The following C11orf16 variants were observed in gnomAD, a reference collection of about 807,000 sequenced individuals.
C11orf16 encodes chromosome 11 open reading frame 16.
C11orf16 carries 38 observed loss-of-function variants against 45.1 expected under a neutral mutation model. That is an observed-to-expected ratio of 0.84 (90% CI 0.65 to 1.10). The LOEUF is 1.10. Ranked by LOEUF, C11orf16 falls within the 50% of genes least tolerant of loss-of-function variation. C11orf16 has a pLI of 0.00. For missense variants in C11orf16, 583 were observed against 569.5 expected (o/e 1.02, Z -0.24); for synonymous variants, 221 against 222.0 (o/e 1.00, Z 0.04).
intron 5 of C11orf16, 67 bp downstream of exon 5, chr11:8,925,394 CAT>C: frequency 2.9e-6 from 4 of 1,391,474 alleles, no homozygotes; most frequent in Non-Finnish European, 3.9e-6. Flanking sequence ...TCCTAAGGGA[CAT>C]GTGGGAGGGA....
In C11orf16 at chr11:8,925,452, C is replaced by T; in HGVS notation, c.1204+11G>A. The T allele has an allele frequency of 1.2e-6, 2 of 1,607,066 alleles. No homozygotes were observed. Among genetic ancestry groups the T allele is most frequent in the Non-Finnish European group, 1.7e-6 (2 of 1,175,820 alleles). ...CCTGCCTTAGAAAGCAAGCCCACTCCCCTGGTATACCTGGCTTCCCAAGGC... is the reference window on the plus strand; with the variant it reads ...CCTGCCTTAGAAAGCAAGCCCACTCTCCTGGTATACCTGGCTTCCCAAGGC... On this transcript the variant is annotated intron_variant, in intron 5 of 6. Transcript: ENST00000326053.
rs2064605042 is a variant in C11orf16 at position 8,925,654 on chromosome 11, G to A, written c.1013C>T (p.Ser338Leu). The A allele has an allele frequency of 6.2e-7, 1 of 1,614,254 alleles. No individual in the cohort carries two copies. The highest frequency in any genetic ancestry group is 1.3e-5 in the African/African-American group (1 of 75,064). The change falls in exon 5 of 7, where the codon TCA becomes TTA. Residue 338 changes from serine (S) to leucine (L), a missense_variant. Coordinates refer to ENST00000326053, the MANE Select transcript of C11orf16 (RefSeq NM_020643.3). ...MHAPLAVSSSSSSSCEQDGVE... is the reference protein window; with the variant it reads ...MHAPLAVSSSLSSSCEQDGVE... ...ACCGTCTTGTTCACAGGAGGAGGAT[G>A]AGGAGGAAGAAACAGCCAGGGGAGC...
intron 5 of C11orf16, 34 bp downstream of exon 5, chr11:8,925,429 T>A: frequency 6.3e-7 from 1 of 1,585,346 alleles, no homozygotes; most frequent in Non-Finnish European, 8.6e-7. Flanking sequence ...CCCCAGCCCC[T>A]GCCTTAGAAA....
Position 8,926,051 on chromosome 11 carries a change from G to A in C11orf16, c.616C>T (p.Pro206Ser), listed in dbSNP as rs1722341373. ...GACACCGACTGGACCCCACCTAGGG[G>A]CACTTTAGCAGCTTTGCCATTCCAG... is the stretch of plus-strand genomic sequence containing the variant. ...HFWNGKAAKV[P>S]LGGVQSVSLT... is the part of the protein sequence containing the mutation. Residue 206 changes from proline (P) to serine (S), a missense_variant, in exon 5 of 7, where the codon CCC becomes TCC. Coordinates refer to ENST00000326053, the MANE Select transcript of C11orf16 (RefSeq NM_020643.3). 2 of 1,613,852 alleles carry A rather than the reference G, an allele frequency of 1.2e-6. No homozygotes were observed. Among genetic ancestry groups the A allele is most frequent in the African/African-American group, 2.7e-5 (2 of 75,034 alleles).
In C11orf16 at chr11:8,922,134, T is replaced by C. The variant is rs145645831; in HGVS notation, c.1205-619A>G. 1.8e-4 allele frequency among the ~76,000 whole-genome samples: 27 copies of C among 152,322 alleles called. 1 individual carries two copies. The highest frequency in any genetic ancestry group is 9.1e-4 in the Admixed American group (14 of 15,306). On this transcript the variant is annotated intron_variant, in intron 5 of 6. Transcript: ENST00000326053. ...AGCAAAGGTAACTGACTGCCACCAG[T>C]TAAAGGAGCTTCGACACCTTCACTG... is the stretch of plus-strand genomic sequence containing the variant.
rs1379545110 is a variant in C11orf16 at position 8,925,717 on chromosome 11, G to A, written c.950C>T (p.Pro317Leu). 4.3e-6 allele frequency: 7 copies of A among 1,614,126 alleles called. No individual in the cohort carries two copies. The East Asian group carries it at 1.1e-4, about 26-fold the overall frequency. The change falls in exon 5 of 7, where the codon CCC becomes CTC. Residue 317 changes from proline to leucine, a missense_variant. Transcript: ENST00000326053. ...TTTCTCCTCTTTAGGACCTTCCAGG[G>A]GCAAAAGCTGTGCTGTGGGCTCCAA... ...PELEPTAQLL[P>L]LEGPKEEKVA... is the part of the protein sequence containing the mutation.
intron 3 of C11orf16, among the ~76,000 whole-genome samples, chr11:8,928,261 A>G (rs1280180159): frequency 6.6e-6 from 1 of 152,162 alleles, no homozygotes; most frequent in East Asian, 1.9e-4. Context: ...AAGAATTTAC[A>G]CTAGTCTTCC....
At chr11:8,930,936 C>T (rs1233484224) in intron 2 of C11orf16, among the ~76,000 whole-genome samples, 2 of 152,172 alleles carry the variant, frequency 1.3e-5, no homozygotes, top group East Asian at 1.9e-4. Context: ...GGGTGGATCA[C>T]GAAAGGGAGC....
chr11:8,921,547 T>C, intron 5 of C11orf16, 32 bp from the exon 6 acceptor site: 2 of 1,585,692 alleles, frequency 1.3e-6, no homozygotes, highest in Non-Finnish European at 1.7e-6. Context: ...TTAGGTTGAA[T>C]ATGCCACCAT....
At chr11:8,932,543 G>T (rs910424569) in intron 1 of C11orf16, among the ~76,000 whole-genome samples, 3 of 152,182 alleles carry the variant, frequency 2.0e-5, no homozygotes, top group Non-Finnish European at 4.4e-5. Flanking sequence ...AAGAGCAAGT[G>T]CTGTGAGTTT....
chr11:8,929,495 G>A lies in C11orf16; in HGVS notation c.206C>T (p.Pro69Leu). 6.2e-7 allele frequency: 1 copy of A among 1,614,052 alleles called. No individual in the cohort carries two copies. The highest frequency in any genetic ancestry group is 1.3e-5 in the African/African-American group (1 of 75,052). ...SSCPCLHVAD[P>L]AWQGPGWLGR... ...CAGCCAGCCAGGCCCCTGCCATGCT[G>A]GGTCGGCAACGTGGAGACATGGGCA... Residue 69 changes from proline (P) to leucine (L), a missense_variant, in exon 3 of 7, where the codon CCA (proline) becomes CTA (leucine). By Grantham distance (98) the Pro-to-Leu change is moderately conservative (BLOSUM62 -3). Coordinates refer to ENST00000326053, the MANE Select transcript of C11orf16 (RefSeq NM_020643.3).
chr11:8,920,325 G>A lies in C11orf16; in HGVS notation c.*148C>T. 1.9e-6 allele frequency: 1 copy of A among 536,364 alleles called. No homozygotes were observed. Among genetic ancestry groups the A allele is most frequent in the Non-Finnish European group, 3.3e-6 (1 of 303,760 alleles). The allele number at this position is 536,364 out of a possible 1,614,324, so 33.2% of individuals were successfully genotyped here. A position where few individuals can be genotyped will look rare whatever the true frequency, so the allele number is the denominator to read the frequency against. On this transcript the variant is annotated 3_prime_UTR_variant, in exon 7 of 7. Coordinates refer to ENST00000326053, the MANE Select transcript of C11orf16 (RefSeq NM_020643.3). ...GCTTATCTGCAGGGAGGTCTTCGTG[G>A]GGTGGAGATACTGGTGGTTATTTGA... is the stretch of plus-strand genomic sequence containing the variant.
At chr11:8,924,135 G>T (rs79718754) in intron 5 of C11orf16, among the ~76,000 whole-genome samples, 4,741 of 152,178 alleles carry the variant, frequency 0.031, 255 homozygotes, top group African/African-American at 0.11. Context: ...AAGCCCAGGG[G>T]TTCAGAGGAG....
At chr11:8,926,185 CTT>C (rs59858402) in intron 4 of C11orf16, 78 bp from the exon 5 acceptor site, 44,890 of 858,658 alleles carry the variant, frequency 0.052, 20 homozygotes, top group African/African-American at 0.1. Flanking sequence ...TTTTTCTTTT[CTT>C]TTTTTTTTTT....
In C11orf16 at chr11:8,926,031, C is replaced by T. The variant is rs769456368; in HGVS notation, c.636G>A (p.Ser212=). 1.1e-5 allele frequency: 17 copies of T among 1,613,966 alleles called. No individual in the cohort carries two copies. Among genetic ancestry groups the T allele is most frequent in the East Asian group, 2.2e-5 (1 of 44,890 alleles). Residue 212 remains serine, a synonymous_variant, in exon 5 of 7, where the codon TCG becomes TCA. Transcript: ENST00000326053. ...AAKVPLGGVQ[S]VSLTIWKKAV... is the part of the protein sequence containing the mutation. ...CCTTCTTCCAGATGGTCAGGGACACCGACTGGACCCCACCTAGGGGCACTT... is the reference window on the plus strand; with the variant it reads ...CCTTCTTCCAGATGGTCAGGGACACTGACTGGACCCCACCTAGGGGCACTT...
At chr11:8,924,151 AG>A (rs1168289153) in intron 5 of C11orf16, among the ~76,000 whole-genome samples, 1 of 152,132 alleles carries the variant, frequency 6.6e-6, no homozygotes, top group Non-Finnish European at 1.5e-5. Flanking sequence ...AGGAGTCACC[AG>A]GAAAGCTTCT....
chr11:8,924,783 TCA>T (rs2064598549), intron 5 of C11orf16, among the ~76,000 whole-genome samples: 2 of 152,218 alleles, frequency 1.3e-5, no homozygotes, highest in Non-Finnish European at 2.9e-5. Context: ...GCCACCTCCT[TCA>T]CACAGCTCTG....
In C11orf16 at chr11:8,924,866, C is replaced by T. The variant is rs1413583572; in HGVS notation, c.1204+597G>A. Among the ~76,000 whole-genome samples, 9 of 152,308 alleles carry T rather than the reference C, an allele frequency of 5.9e-5. No individual in the cohort carries two copies. The East Asian group carries it at 1.2e-3, about 20-fold the overall frequency. The stretch of plus-strand genomic sequence containing the variant: ...TGGGCTCCCCGAACCTAGCAGGGCC[C>T]GCCACACAGTTCTCAGCTGGAGGCG... On this transcript the variant is annotated intron_variant, in intron 5 of 6. Transcript: ENST00000326053.
At chr11:8,930,052 A>G (rs1018591249) in intron 2 of C11orf16, among the ~76,000 whole-genome samples, 5 of 151,916 alleles carry the variant, frequency 3.3e-5, no homozygotes, top group African/African-American at 9.7e-5. Context: ...TCTGGGAGGT[A>G]GAGGTTGCAG....
Sources: allele counts gnomAD v4.1 joint callset (sites outside exome capture counted in the v4.1 genomes callset), GRCh38; gene constraint gnomAD v4.1.1; transcripts MANE v1.5; gene names NCBI Gene and HGNC (gene_info 2026-07-23, HGNC 2026-07-21).